The following SPAG16 variants were observed in gnomAD, a reference collection of about 807,000 sequenced individuals.
SPAG16 encodes sperm associated antigen 16.
SPAG16 carries 86 observed loss-of-function variants against 80.4 expected under a neutral mutation model. The observed-to-expected ratio is 1.07, with a 90% CI of 0.90 to 1.28. The LOEUF (loss-of-function observed/expected upper bound fraction) is 1.28. Ranked by LOEUF, SPAG16 falls within the 50% of genes most tolerant of loss-of-function variation. The probability of loss-of-function intolerance (pLI) is 0.00; values close to 1 mark genes in which losing one functional copy is unlikely to be tolerated. For synonymous variants in SPAG16, 294 were observed against 265.9 expected (o/e 1.11, Z -1.03); for missense variants, 870 against 765.3 (o/e 1.14, Z -1.61).
At chr2:213,941,904 A>G (rs1040942058) in intron 12 of SPAG16, among the ~76,000 whole-genome samples, 1 of 152,188 alleles carries the variant, frequency 6.6e-6, no homozygotes, top group Admixed American at 6.6e-5. Flanking sequence ...CCTTGGTCCC[A>G]ACAACTTTCA....
At chr2:214,278,110 G>C (rs1297056598) in intron 15 of SPAG16, among the ~76,000 whole-genome samples, 4 of 152,142 alleles carry the variant, frequency 2.6e-5, no homozygotes, top group Non-Finnish European at 5.9e-5. Context: ...GTGGGCGTGG[G>C]ACCCACCGAG....
intron 9 of SPAG16, among the ~76,000 whole-genome samples, chr2:213,409,087 G>A (rs1215413505): frequency 4.0e-5 from 6 of 149,406 alleles, no homozygotes; most frequent in African/African-American, 1.5e-4. Context: ...ATGTTCCATG[G>A]TAAATTATTG....
At chr2:214,124,343 T>C (rs1417500560) in intron 14 of SPAG16, among the ~76,000 whole-genome samples, 2 of 151,708 alleles carry the variant, frequency 1.3e-5, no homozygotes, top group Non-Finnish European at 2.9e-5. Context: ...TAAAATCTCA[T>C]TTAAACAGGT....
At chr2:213,755,428 A>G (rs1575044709) in intron 10 of SPAG16, among the ~76,000 whole-genome samples, 1 of 152,342 alleles carries the variant, frequency 6.6e-6, no homozygotes, top group East Asian at 1.9e-4. Context: ...ATCCTGGTAG[A>G]GACATCATTT....
chr2:214,261,747 T>A (rs888742380), intron 15 of SPAG16, among the ~76,000 whole-genome samples: 1 of 152,202 alleles, frequency 6.6e-6, no homozygotes, highest in Non-Finnish European at 1.5e-5. Context: ...GAAGTGTAAA[T>A]ATATGTATAT....
chr2:213,853,593 G>A (rs1218191774), intron 10 of SPAG16, among the ~76,000 whole-genome samples: 1 of 152,146 alleles, frequency 6.6e-6, no homozygotes, highest in African/African-American at 2.4e-5. Context: ...TCTTGAATCT[G>A]TAAGATGTGT....
chr2:213,680,351 G>A (rs991033124), intron 10 of SPAG16, among the ~76,000 whole-genome samples: 1 of 151,882 alleles, frequency 6.6e-6, no homozygotes, highest in African/African-American at 2.4e-5. Context: ...GGTTTCACCA[G>A]AGGGCCTTAG....
At chr2:214,013,179 C>CTTTTTTTT (rs11382197) in intron 12 of SPAG16, among the ~76,000 whole-genome samples, 2 of 138,928 alleles carry the variant, frequency 1.4e-5, no homozygotes, top group Non-Finnish European at 1.5e-5. Flanking sequence ...AGTATTTTGT[C>CTTTTTTTT]TTTTTTTTTT....
chr2:213,999,603 C>T (rs922447079), intron 12 of SPAG16, among the ~76,000 whole-genome samples: 4 of 152,172 alleles, frequency 2.6e-5, no homozygotes, highest in Admixed American at 6.5e-5. Context: ...AGAGGGCCAC[C>T]GTCTTCCAGA....
intron 10 of SPAG16, among the ~76,000 whole-genome samples, chr2:213,765,645 T>C (rs1412731444): frequency 6.6e-6 from 1 of 152,086 alleles, no homozygotes; most frequent in Admixed American, 6.6e-5. Context: ...CTCAAATTCT[T>C]CCAGTATATA....
intron 10 of SPAG16, among the ~76,000 whole-genome samples, chr2:213,790,639 CA>C (rs1444447188): frequency 9.9e-5 from 15 of 151,848 alleles, no homozygotes; most frequent in Admixed American, 8.5e-4. Flanking sequence ...CAATTATATA[CA>C]ATGTGAGCAT....
At chr2:213,348,979 T>C (rs894846372) in intron 6 of SPAG16, among the ~76,000 whole-genome samples, 2 of 152,218 alleles carry the variant, frequency 1.3e-5, no homozygotes, top group Non-Finnish European at 2.9e-5. Context: ...AAAACAAGTC[T>C]CTATACATTT....
chr2:214,087,452 T>G (rs1006121735), intron 13 of SPAG16, among the ~76,000 whole-genome samples: 1 of 152,146 alleles, frequency 6.6e-6, no homozygotes, highest in Non-Finnish European at 1.5e-5. Context: ...TATTAAGTAT[T>G]CATTATGTCC....
chr2:213,827,052 C>T (rs1399220630), intron 10 of SPAG16, among the ~76,000 whole-genome samples: 1 of 151,642 alleles, frequency 6.6e-6, no homozygotes, highest in Non-Finnish European at 1.5e-5. Flanking sequence ...CTTTTTCCAT[C>T]CCTTTATTTT....
chr2:214,182,506 T>C (rs2057339552), intron 15 of SPAG16, among the ~76,000 whole-genome samples: 1 of 151,888 alleles, frequency 6.6e-6, no homozygotes, highest in Admixed American at 6.6e-5. Flanking sequence ...GCTACAAGAT[T>C]ATAGACATGT....
chr2:214,096,897 A>C (rs1214851167), intron 13 of SPAG16, among the ~76,000 whole-genome samples: 2 of 152,054 alleles, frequency 1.3e-5, no homozygotes, highest in Non-Finnish European at 2.9e-5. Context: ...TTTCTAATTT[A>C]TATGCCAGTG....
At chr2:213,311,093 C>T (rs1053359831) in intron 4 of SPAG16, among the ~76,000 whole-genome samples, 15 of 151,422 alleles carry the variant, frequency 9.9e-5, no homozygotes, top group Admixed American at 2.6e-4. Context: ...TTTTAAATTG[C>T]ACATGTAATG....
intron 12 of SPAG16, among the ~76,000 whole-genome samples, chr2:213,944,057 C>G (rs1230195906): frequency 6.6e-6 from 1 of 152,264 alleles, no homozygotes; most frequent in Non-Finnish European, 1.5e-5. Flanking sequence ...AGGGCTGCCA[C>G]TCTCACCAAA....
intron 15 of SPAG16, among the ~76,000 whole-genome samples, chr2:214,218,648 G>A (rs368779809): frequency 3.9e-5 from 6 of 152,292 alleles, no homozygotes; most frequent in Admixed American, 1.3e-4. Flanking sequence ...GGAGAGTGGG[G>A]AATGTGATTT....
Sources: gnomAD v4.1 joint callset for allele counts (sites outside exome capture counted in the v4.1 genomes callset) on GRCh38, gnomAD v4.1.1 for gene constraint, MANE v1.5 for transcripts, NCBI Gene and HGNC (gene_info 2026-07-23, HGNC 2026-07-21) for gene names.